The following PDE8B variants were observed in gnomAD, a reference collection of about 807,000 sequenced individuals.
PDE8B encodes high affinity cAMP-specific and IBMX-insensitive 3',5'-cyclic phosphodiesterase 8B.
PDE8B carries 26 observed loss-of-function variants against 101.3 expected under a neutral mutation model. The ratio of observed to expected loss-of-function variants is 0.26; its 90% CI spans 0.19 to 0.36. PDE8B has a LOEUF of 0.36. Among genes scored for constraint, PDE8B ranks in the 10% least tolerant of loss-of-function variants. The pLI is 1.00. For missense variants in PDE8B, 810 were observed against 1,163.1 expected, an observed-to-expected ratio of 0.70 and a Z score of 4.42; for synonymous variants, 424 against 429.3, an observed-to-expected ratio of 0.99 and a Z score of 0.15.
chr5:77,372,238 T>A (rs926967502), intron 10 of PDE8B, among the ~76,000 whole-genome samples: 7 of 142,968 alleles, frequency 4.9e-5, no homozygotes, highest in African/African-American at 1.9e-4. Flanking sequence ...CAAATTGATT[T>A]TTAAAATTAG....
chr5:77,425,661 A>C (rs1343573237), intron 20 of PDE8B, 106 bp from the exon 21 acceptor site: 12 of 1,169,332 alleles, frequency 1.0e-5, no homozygotes, highest in Non-Finnish European at 1.4e-5. Flanking sequence ...TTCATTGAGA[A>C]AACTGGATAA....
intron 1 of PDE8B, among the ~76,000 whole-genome samples, chr5:77,259,068 A>ACCCCCACCCCCCCC (rs1491575842): frequency 2.4e-5 from 1 of 41,140 alleles, no homozygotes; most frequent in Admixed American, 3.0e-4. Context: ...ACACACACAC[A>ACCCCCACCCCCCCC]CCCCCGCCCC....
At chr5:77,172,408 C>G in the PDE8B span, among the ~76,000 whole-genome samples, 2 of 152,160 alleles carry the variant, frequency 1.3e-5, no homozygotes, top group African/African-American at 4.8e-5. Flanking sequence ...ATGCTTGCAC[C>G]TAGGAGAAGC....
chr5:77,165,556 T>G, the PDE8B span: 1 of 149,996 alleles, frequency 6.7e-6, no homozygotes, highest in Non-Finnish European at 1.5e-5. Flanking sequence ...AACCAACAAC[T>G]GCAACAACAA....
At chr5:77,121,283 G>A in the PDE8B span, among the ~76,000 whole-genome samples, 1 of 152,166 alleles carries the variant, frequency 6.6e-6, no homozygotes, top group African/African-American at 2.4e-5. Flanking sequence ...TTGGCAGGAG[G>A]CTCCAGTGTC....
chr5:77,210,559 G>T, upstream of PDE8B: 1 of 911,602 alleles, frequency 1.1e-6, no homozygotes, highest in South Asian at 4.9e-5. This position sits in a 1 kb window ranked among gnomAD's most constrained non-coding sequence, Gnocchi z 4.9. Context: ...GGAGCCCGGC[G>T]AGGTCGAGCT....
intron 1 of PDE8B, among the ~76,000 whole-genome samples, chr5:77,258,031 G>A (rs1360282564): frequency 6.6e-6 from 1 of 152,096 alleles, no homozygotes; most frequent in Non-Finnish European, 1.5e-5. Flanking sequence ...GCTCACACCT[G>A]TAATCCCAGC....
At chr5:77,382,299 G>A (rs1224715932) in intron 10 of PDE8B, among the ~76,000 whole-genome samples, 1 of 152,074 alleles carries the variant, frequency 6.6e-6, no homozygotes, top group East Asian at 1.9e-4. Context: ...GCATATATCA[G>A]TATGTTTCAC....
chr5:77,378,189 G>A (rs559890041), intron 10 of PDE8B, among the ~76,000 whole-genome samples: 27 of 152,136 alleles, frequency 1.8e-4, no homozygotes, highest in Admixed American at 1.2e-3. Context: ...GGCCGGGCAC[G>A]GCGGCTCATG....
intron 1 of PDE8B, among the ~76,000 whole-genome samples, chr5:77,230,025 G>A (rs1753226359): frequency 6.6e-6 from 1 of 152,190 alleles, no homozygotes; most frequent in Non-Finnish European, 1.5e-5. Flanking sequence ...GTTCTCCGAA[G>A]TGGCCGTACC....
intron 1 of PDE8B, among the ~76,000 whole-genome samples, chr5:77,302,010 C>A (rs890186712): frequency 6.6e-6 from 1 of 151,844 alleles, no homozygotes; most frequent in Admixed American, 6.6e-5. Flanking sequence ...CCATTTTTTT[C>A]TTTCCATTTT....
chr5:77,123,292 G>A, the PDE8B span, among the ~76,000 whole-genome samples: 1 of 151,992 alleles, frequency 6.6e-6, no homozygotes, highest in African/African-American at 2.4e-5. Flanking sequence ...TCCCACACTC[G>A]TGACTTTATC....
the PDE8B span, among the ~76,000 whole-genome samples, chr5:77,092,162 A>G: frequency 2.6e-5 from 4 of 152,228 alleles, no homozygotes; most frequent in African/African-American, 7.2e-5. Flanking sequence ...TGTATTTTTT[A>G]TTTATTTTTA....
rs558413983 is a variant in PDE8B, at chr5:77,428,074, T to C, written c.*1520T>C. 2.0e-4 allele frequency: 30 copies of C among 152,326 alleles called. No individual in the cohort carries two copies. Among genetic ancestry groups the C allele is most frequent in the African/African-American group, 6.3e-4 (26 of 41,578 alleles). 9.4% of individuals were successfully genotyped at this position (152,326 alleles called of 1,614,324 possible). ...AAGAAATGTATCTAAATTATTTTTG[T>C]TAGATGATAAGAGAACTTGCTTGGT... On this transcript the variant is annotated 3_prime_UTR_variant, in exon 22 of 22. Transcript: ENST00000264917.
intron 3 of PDE8B, among the ~76,000 whole-genome samples, chr5:77,328,075 T>C (rs1776395755): frequency 6.6e-6 from 1 of 152,214 alleles, no homozygotes; most frequent in African/African-American, 2.4e-5. Context: ...GTTTCACAAA[T>C]TACTCAGGAG....
chr5:77,153,034 T>A, the PDE8B span, among the ~76,000 whole-genome samples: 12 of 152,282 alleles, frequency 7.9e-5, no homozygotes, highest in East Asian at 2.3e-3. Flanking sequence ...TGGAGGGATT[T>A]TTCATGGTAA....
intron 10 of PDE8B, among the ~76,000 whole-genome samples, chr5:77,372,498 G>A (rs765806452): frequency 2.6e-5 from 4 of 152,180 alleles, no homozygotes; most frequent in Non-Finnish European, 4.4e-5. Flanking sequence ...TAAGACAGGT[G>A]TTATCACTTC....
chr5:77,210,660 G>A (rs1307036065), upstream of PDE8B: 7 of 980,962 alleles, frequency 7.1e-6, no homozygotes, highest in South Asian at 9.4e-5. This position sits in a 1 kb window ranked among gnomAD's most constrained non-coding sequence, Gnocchi z 4.9. Context: ...GGTGGCGGCC[G>A]CTGGTGCGCG....
intron 10 of PDE8B, among the ~76,000 whole-genome samples, chr5:77,357,026 C>T (rs1189334999): frequency 1.3e-5 from 2 of 152,192 alleles, no homozygotes; most frequent in African/African-American, 2.4e-5. Flanking sequence ...TTTACCCTCA[C>T]TAGAGGACAT....
Sources: gnomAD v4.1 joint callset for allele counts (sites outside exome capture counted in the v4.1 genomes callset) on GRCh38, gnomAD v4.1.1 for gene constraint, Gnocchi (gnomAD v3.1) non-coding constraint, MANE v1.5 for transcripts, NCBI Gene and HGNC (gene_info 2026-07-23, HGNC 2026-07-21) for gene names.